The following GDPD5 variants were observed in gnomAD, a reference collection of about 807,000 sequenced individuals.
The protein encoded by GDPD5 is glycerophosphodiester phosphodiesterase domain containing 5, also known as glycerophosphodiester phosphodiesterase 2.
A neutral mutation model predicts 75.1 loss-of-function variants in GDPD5; 48 were observed. That is an observed-to-expected ratio of 0.64 (90% CI 0.51 to 0.81). The LOEUF (loss-of-function observed/expected upper bound fraction) is 0.81, where lower values mean the gene tolerates loss of function less well. GDPD5 is among the 40% of genes least tolerant of loss of function. GDPD5 has a pLI of 0.00. For missense variants in GDPD5, 706 were observed against 822.6 expected (o/e 0.86, Z 1.73); for synonymous variants, 336 against 339.0 (o/e 0.99, Z 0.10).
At chr11:75,498,126 T>A (rs1251644746) in intron 1 of GDPD5, among the ~76,000 whole-genome samples, 1 of 151,580 alleles carries the variant, frequency 6.6e-6, no homozygotes, top group Non-Finnish European at 1.5e-5. Context: ...GAGGCCTGAG[T>A]GGGGAGGCCA....
intron 1 of GDPD5, among the ~76,000 whole-genome samples, chr11:75,501,087 G>A (rs1007897298): frequency 3.3e-5 from 5 of 152,204 alleles, no homozygotes; most frequent in African/African-American, 1.2e-4. Flanking sequence ...CCCCAACACC[G>A]AGGCCAAGTG....
intron 3 of GDPD5, among the ~76,000 whole-genome samples, chr11:75,472,805 T>TC (rs1474630439): frequency 2.0e-5 from 3 of 151,952 alleles, no homozygotes; most frequent in Non-Finnish European, 4.4e-5. Flanking sequence ...CCAGACGCTA[T>TC]CCTAAAGAGT....
chr11:75,459,155 T>C (rs939992332), intron 4 of GDPD5, among the ~76,000 whole-genome samples: 3 of 152,204 alleles, frequency 2.0e-5, no homozygotes, highest in Non-Finnish European at 2.9e-5. Context: ...CACGTGGTTT[T>C]CCACTGAATT....
At chr11:75,498,349 C>G (rs1950248391) in intron 1 of GDPD5, among the ~76,000 whole-genome samples, 2 of 152,240 alleles carry the variant, frequency 1.3e-5, no homozygotes, top group Non-Finnish European at 2.9e-5. Context: ...GATCCCTGAG[C>G]ACCGTCTATG....
chr11:75,519,080 C>T (rs1235189645), intron 1 of GDPD5, among the ~76,000 whole-genome samples: 1 of 152,192 alleles, frequency 6.6e-6, no homozygotes, highest in East Asian at 1.9e-4. Flanking sequence ...TTCCTCCCCA[C>T]CTGCCTTTCC....
At chr11:75,436,289 C>T (rs886678920) in intron 16 of GDPD5, among the ~76,000 whole-genome samples, 5 of 152,160 alleles carry the variant, frequency 3.3e-5, no homozygotes, top group Non-Finnish European at 5.9e-5. Flanking sequence ...CCCAGGCAAG[C>T]GGTGCTCCCT....
At chr11:75,519,857 G>A (rs540420933) in intron 1 of GDPD5, among the ~76,000 whole-genome samples, 4 of 152,302 alleles carry the variant, frequency 2.6e-5, no homozygotes, top group East Asian at 1.9e-4. Flanking sequence ...GTTACATTTC[G>A]GTTGGATGTG....
intron 1 of GDPD5, among the ~76,000 whole-genome samples, chr11:75,500,794 C>G (rs75910053): frequency 6.6e-6 from 1 of 152,142 alleles, no homozygotes; most frequent in Admixed American, 6.5e-5. Context: ...GAATCACCCT[C>G]CCCATCTCCC....
chr11:75,511,544 T>G (rs568315175), intron 1 of GDPD5, among the ~76,000 whole-genome samples: 20 of 152,256 alleles, frequency 1.3e-4, no homozygotes, highest in African/African-American at 4.6e-4. Flanking sequence ...TCCATTCCCA[T>G]GCCACGGGAC....
At chr11:75,450,069 CAG>C (rs1949098613) in intron 6 of GDPD5, 86 bp from the exon 7 acceptor site, 2 of 1,101,480 alleles carry the variant, frequency 1.8e-6, no homozygotes, top group Middle Eastern at 2.1e-4. Context: ...GAGGGAGAGA[CAG>C]AGAGGGCAGG....
At chr11:75,458,376 A>G (rs1371142675) in intron 4 of GDPD5, among the ~76,000 whole-genome samples, 4 of 152,258 alleles carry the variant, frequency 2.6e-5, no homozygotes, top group Admixed American at 2.6e-4. Context: ...GATGGGGATA[A>G]GAAAGTGCCT....
intron 4 of GDPD5, 141 bp from the exon 5 acceptor site, chr11:75,457,927 G>T: frequency 1.6e-6 from 1 of 622,858 alleles, no homozygotes; most frequent in Non-Finnish European, 2.8e-6. Context: ...AAGGCTCAGC[G>T]TCTGCCTGAT....
At chr11:75,478,318 C>T (rs771886685) in intron 2 of GDPD5, among the ~76,000 whole-genome samples, 72 of 152,064 alleles carry the variant, frequency 4.7e-4, no homozygotes, top group Non-Finnish European at 8.5e-4. Flanking sequence ...GGCTAATTTT[C>T]GTATTTTTGT....
At chr11:75,472,846 T>C (rs1208176157) in intron 3 of GDPD5, among the ~76,000 whole-genome samples, 1 of 151,888 alleles carries the variant, frequency 6.6e-6, no homozygotes, top group Non-Finnish European at 1.5e-5. Flanking sequence ...ACAATCCACA[T>C]GGCCAGCACA....
rs755676909 is a variant in GDPD5 at position 75,437,043 on chromosome 11, C to T, written c.1562G>A (p.Arg521His). ...IVGIFVLQKW[R>H]LGGIRSYNPE... ...GTTGTAGCTCCGTATGCCACCCAGG[C>T]GCCACCTGCAGAGATGGCCCCGTGG... The change falls in exon 16 of 17, where the codon CGC becomes CAC. Residue 521 changes from arginine (R) to histidine (H), a missense_variant. Coordinates refer to ENST00000336898, the MANE Select transcript of GDPD5 (RefSeq NM_030792.8). 1.2e-5 allele frequency: 20 copies of T among 1,612,770 alleles called. No homozygotes were observed. In the East Asian group the frequency reaches 1.8e-4, roughly 14 times the overall value.
At chr11:75,496,152 G>A (rs946784055) in intron 1 of GDPD5, among the ~76,000 whole-genome samples, 4 of 152,206 alleles carry the variant, frequency 2.6e-5, no homozygotes, top group African/African-American at 7.2e-5. Flanking sequence ...CTATCCCCCT[G>A]GAAAGGGAGC....
At chr11:75,476,381 T>C (rs1422566516) in intron 3 of GDPD5, among the ~76,000 whole-genome samples, 1 of 150,984 alleles carries the variant, frequency 6.6e-6, no homozygotes. Context: ...GTGTCTCCCC[T>C]CCAGTTCACC....
At chr11:75,445,912 A>G (rs930956487) in intron 9 of GDPD5, among the ~76,000 whole-genome samples, 2 of 152,266 alleles carry the variant, frequency 1.3e-5, no homozygotes, top group Admixed American at 1.3e-4. Context: ...AGGACCTGGC[A>G]CACAGCAGGG....
chr11:75,487,378 G>A (rs1001520520), intron 2 of GDPD5, among the ~76,000 whole-genome samples: 4 of 152,230 alleles, frequency 2.6e-5, no homozygotes, highest in Non-Finnish European at 5.9e-5. Context: ...AGGGGCAGCT[G>A]CCAGTGGGGA....
Sources: allele counts gnomAD v4.1 joint callset (sites outside exome capture counted in the v4.1 genomes callset), GRCh38; gene constraint gnomAD v4.1.1; transcripts MANE v1.5; gene names NCBI Gene and HGNC (gene_info 2026-07-23, HGNC 2026-07-21).